Variants in KDM1B observed in about 807,000 individuals in gnomAD.
The protein encoded by KDM1B is lysine-specific histone demethylase 2.
In KDM1B, 63 loss-of-function variants were observed where a neutral mutation model predicts 107.4. That is an observed-to-expected ratio of 0.59 (90% CI 0.48 to 0.72). The LOEUF is 0.72. KDM1B is among the 30% of genes least tolerant of loss of function. The probability of loss-of-function intolerance (pLI) is 0.00; values close to 1 mark genes in which losing one functional copy is unlikely to be tolerated. For missense variants in KDM1B, 749 were observed against 1,020.8 expected (o/e 0.73, Z 3.63); for synonymous variants, 363 against 363.9 (o/e 1.00, Z 0.03).
At chr6:18,207,721 C>T (rs559177322) in intron 16 of KDM1B, among the ~76,000 whole-genome samples, 192 bp downstream of exon 16, 1 of 152,282 alleles carries the variant, frequency 6.6e-6, no homozygotes, top group African/African-American at 2.4e-5. Flanking sequence ...GCTTGGAAAC[C>T]GTAGTGGCCC....
At chr6:18,168,758 C>T (rs1785478134) in intron 6 of KDM1B, among the ~76,000 whole-genome samples, 1 of 152,144 alleles carries the variant, frequency 6.6e-6, no homozygotes, top group South Asian at 2.1e-4. Context: ...GAAGTGGTAT[C>T]TCATGGTGGT....
chr6:18,155,640 A>G lies in KDM1B; in HGVS notation c.-58+69A>G, dbSNP rs1784539851. On this transcript the variant is annotated intron_variant, in intron 1 of 21. Coordinates refer to ENST00000650836, the MANE Select transcript of KDM1B (RefSeq NM_001364614.2). The surrounding 1 kb of genome is among the most constrained non-coding windows in gnomAD (Gnocchi z 6.2). ...GGATTTCGGGTGACAGCGTTGCACAAAGCAGCTTGGTTGGGGTGCAAGCCC... is the reference window on the plus strand; with the variant it reads ...GGATTTCGGGTGACAGCGTTGCACAGAGCAGCTTGGTTGGGGTGCAAGCCC... 1 of 152,248 alleles carries G rather than the reference A, an allele frequency of 6.6e-6. No homozygotes were observed. Among genetic ancestry groups the G allele is most frequent in the South Asian group, 2.1e-4 (1 of 4,858 alleles). The allele number at this position is 152,248 out of a possible 1,614,324, so 9.4% of individuals were successfully genotyped here. A position where few individuals can be genotyped will look rare whatever the true frequency, so the allele number is the denominator to read the frequency against.
Position 18,221,990 on chromosome 6 carries a change from T to G in KDM1B, c.2467T>G (p.Ter823GluextTer41). The G allele has an allele frequency of 1.2e-6, 2 of 1,613,982 alleles. No homozygotes were observed. The highest frequency in any genetic ancestry group is 1.7e-6 in the Non-Finnish European group (2 of 1,179,866). Residue 823 changes from the stop codon to glutamate, a stop_lost, in exon 22 of 22, where the codon TAA (stop) becomes GAA (glutamate). Transcript: ENST00000650836. Reference protein sequence around the residue: ...VREASKIAAF* With the variant: ...VREASKIAAFE ...AGAAGCAAGCAAGATTGCAGCATTT[T>G]AAGAATTCGGTGGACCCAGCTTTCT...
At position 18,214,362 on chromosome 6, in the gene KDM1B, G is replaced by A. The variant is rs1005874531; in HGVS notation, c.2109+581G>A. 5.3e-5 allele frequency among the ~76,000 whole-genome samples: 8 copies of A among 152,174 alleles called. No individual in the cohort carries two copies. The highest frequency in any genetic ancestry group is 2.1e-4 in the South Asian group (1 of 4,832). ...CGAGGGCAGATTTTCTTTACCATTT[G>A]AGGTTTTTTTATTTTTCATTGTTTT... On this transcript the variant is annotated intron_variant, in intron 19 of 21. Transcript: ENST00000650836. The surrounding 1 kb of genome is among the most constrained non-coding windows in gnomAD (Gnocchi z 4.4).
chr6:18,162,966 C>G lies in KDM1B; in HGVS notation c.305+42C>G. The G allele has an allele frequency of 4.9e-6, 6 of 1,231,988 alleles. No individual in the cohort carries two copies. Among genetic ancestry groups the G allele is most frequent in the Non-Finnish European group, 7.2e-6 (6 of 831,296 alleles). The allele number at this position is 1,231,988 out of a possible 1,614,324, so 76.3% of individuals were successfully genotyped here. On this transcript the variant is annotated intron_variant, in intron 5 of 21. Coordinates refer to ENST00000650836, the MANE Select transcript of KDM1B (RefSeq NM_001364614.2). The surrounding 1 kb of genome is among the most constrained non-coding windows in gnomAD (Gnocchi z 4.1). Reference sequence around the variant, plus strand: ...TGTGAGGTTTCCCTGGAGAAGGGGACCGTGGCAGGGGCAGTGCGTGTGGTC... The same window carrying G: ...TGTGAGGTTTCCCTGGAGAAGGGGAGCGTGGCAGGGGCAGTGCGTGTGGTC...
At position 18,162,947 on chromosome 6, in the gene KDM1B, G is replaced by A. The variant is rs747033123; in HGVS notation, c.305+23G>A. On this transcript the variant is annotated intron_variant, in intron 5 of 21. Transcript: ENST00000650836. This position sits in a 1 kb window ranked among gnomAD's most constrained non-coding sequence, Gnocchi z 4.1. ...AAGGTATGTTCACTAATTGTGTGAGGTTTCCCTGGAGAAGGGGACCGTGGC... is the reference window on the plus strand; with the variant it reads ...AAGGTATGTTCACTAATTGTGTGAGATTTCCCTGGAGAAGGGGACCGTGGC... 1.4e-6 allele frequency: 2 copies of A among 1,479,454 alleles called. No homozygotes were observed. The highest frequency in any genetic ancestry group is 1.9e-6 in the Non-Finnish European group (2 of 1,057,340). The allele number at this position is 1,479,454 out of a possible 1,614,324, so 91.6% of individuals were successfully genotyped here. A position where few individuals can be genotyped will look rare whatever the true frequency, so the allele number is the denominator to read the frequency against.
chr6:18,171,978 G>T (rs1388336145), intron 7 of KDM1B, among the ~76,000 whole-genome samples: 1 of 152,124 alleles, frequency 6.6e-6, no homozygotes, highest in Non-Finnish European at 1.5e-5. Flanking sequence ...AGCTACTCTG[G>T]TTTTAATTTT....
At chr6:18,181,522 T>G (rs1226510872) in intron 7 of KDM1B, among the ~76,000 whole-genome samples, 2 of 152,124 alleles carry the variant, frequency 1.3e-5, no homozygotes, top group Admixed American at 6.5e-5. Context: ...TTCAGCCCTT[T>G]GGGAGGCTGA....
rs1261724938 is a variant in KDM1B at position 18,204,226 on chromosome 6, T to G, written c.1532-1311T>G. Among the ~76,000 whole-genome samples, 1 of 152,178 alleles carries G rather than the reference T, an allele frequency of 6.6e-6. No homozygotes were observed. Among genetic ancestry groups the G allele is most frequent in the Non-Finnish European group, 1.5e-5 (1 of 68,038 alleles). Reference sequence around the variant, plus strand: ...ACTCTGTTAAACTTGGGATTACACCTGTAATCCCAGCACTTCGGGAGGCTG... The same window carrying G: ...ACTCTGTTAAACTTGGGATTACACCGGTAATCCCAGCACTTCGGGAGGCTG... On this transcript the variant is annotated intron_variant, in intron 14 of 21. Transcript: ENST00000650836. This position sits in a 1 kb window ranked among gnomAD's most constrained non-coding sequence, Gnocchi z 4.9.
At chr6:18,180,086 G>T (rs1325899899) in intron 7 of KDM1B, among the ~76,000 whole-genome samples, 1 of 150,048 alleles carries the variant, frequency 6.7e-6, no homozygotes, top group Non-Finnish European at 1.5e-5. Context: ...CTTGCCCAGG[G>T]TGAGGCCCTT....
chr6:18,199,771 C>T (rs550038176), intron 12 of KDM1B, among the ~76,000 whole-genome samples: 2 of 150,514 alleles, frequency 1.3e-5, no homozygotes, highest in African/African-American at 4.9e-5. Context: ...AGGAATTTTG[C>T]TATGTAGATA....
chr6:18,194,072 CA>C (rs1787480425), intron 10 of KDM1B, among the ~76,000 whole-genome samples: 1 of 152,040 alleles, frequency 6.6e-6, no homozygotes, highest in Non-Finnish European at 1.5e-5. Context: ...GACAGGGTTT[CA>C]CCATGTTGGC....
chr6:18,160,895 G>A (rs1204065334), intron 3 of KDM1B, among the ~76,000 whole-genome samples: 3 of 137,634 alleles, frequency 2.2e-5, no homozygotes, highest in Non-Finnish European at 4.6e-5. Flanking sequence ...TGACACAATC[G>A]TGTGTGCCAC....
chr6:18,201,003 A>T lies in KDM1B; in HGVS notation c.1359+427A>T, dbSNP rs1166243437. 6.6e-6 allele frequency among the ~76,000 whole-genome samples: 1 copy of T among 152,252 alleles called. No homozygotes were observed. The highest frequency in any genetic ancestry group is 1.5e-5 in the Non-Finnish European group (1 of 68,042). On this transcript the variant is annotated intron_variant, in intron 13 of 21. Coordinates refer to ENST00000650836, the MANE Select transcript of KDM1B (RefSeq NM_001364614.2). This position sits in a 1 kb window ranked among gnomAD's most constrained non-coding sequence, Gnocchi z 4.3. Reference sequence around the variant, plus strand: ...AAAATTATGTATTACTAATCTGAACATCATATTTAAGGAGGCAGCCTGTCT... The same window carrying T: ...AAAATTATGTATTACTAATCTGAACTTCATATTTAAGGAGGCAGCCTGTCT...
intron 6 of KDM1B, among the ~76,000 whole-genome samples, chr6:18,166,859 A>G (rs1019228979): frequency 2.0e-5 from 3 of 151,974 alleles, no homozygotes; most frequent in African/African-American, 7.2e-5. Flanking sequence ...GTCTCAAAAA[A>G]AAAAAAATGG....
intron 2 of KDM1B, among the ~76,000 whole-genome samples, chr6:18,157,894 G>A (rs1784729447): frequency 7.2e-6 from 1 of 139,314 alleles, no homozygotes; most frequent in African/African-American, 2.7e-5. Flanking sequence ...CTCACTGCAA[G>A]CTCCGCCTGC....
chr6:18,214,585 C>T lies in KDM1B; in HGVS notation c.2110-422C>T, dbSNP rs1789081572. 6.6e-6 allele frequency among the ~76,000 whole-genome samples: 1 copy of T among 152,160 alleles called. No homozygotes were observed. Among genetic ancestry groups the T allele is most frequent in the African/African-American group, 2.4e-5 (1 of 41,430 alleles). ...TGGCGAGTGACGTGCGGATAAGGGA[C>T]AGCCAGAAATAGTGACATTTAACTT... On this transcript the variant is annotated intron_variant, in intron 19 of 21. Coordinates refer to ENST00000650836, the MANE Select transcript of KDM1B (RefSeq NM_001364614.2). The surrounding 1 kb of genome is among the most constrained non-coding windows in gnomAD (Gnocchi z 4.4).
rs148006516 is a variant in KDM1B at position 18,207,477 on chromosome 6, C to T, written c.1739C>T (p.Ser580Leu). ...GDHTLLTPGY[S>L]VIIEKLAEGL... ...CACACTCTGCTAACTCCCGGGTACT[C>T]GGTGATAATTGAAAAACTGGCAGAA... Residue 580 changes from serine to leucine, a missense_variant, in exon 16 of 22, where the codon TCG becomes TTG. Transcript: ENST00000650836. 57 of 1,614,168 alleles carry T rather than the reference C, an allele frequency of 3.5e-5. No individual in the cohort carries two copies. Among genetic ancestry groups the T allele is most frequent in the Non-Finnish European group, 4.3e-5 (51 of 1,179,998 alleles).
Position 18,212,015 on chromosome 6 carries a change from G to A in KDM1B, c.1867-473G>A, listed in dbSNP as rs1192690260. 6 of 156,076 alleles carry A rather than the reference G, an allele frequency of 3.8e-5. No homozygotes were observed. Among genetic ancestry groups the A allele is most frequent in the Non-Finnish European group, 2.8e-5 (2 of 72,118 alleles). The allele number at this position is 156,076 out of a possible 1,614,324, so 9.7% of individuals were successfully genotyped here. Reference sequence around the variant, plus strand: ...GGCTGGAGTGTAGTGGCGTGATCTCGGCTCACTGCAAACTCCGCCTTCCAG... The same window carrying A: ...GGCTGGAGTGTAGTGGCGTGATCTCAGCTCACTGCAAACTCCGCCTTCCAG... On this transcript the variant is annotated intron_variant, in intron 17 of 21. Coordinates refer to ENST00000650836, the MANE Select transcript of KDM1B (RefSeq NM_001364614.2). This position sits in a 1 kb window ranked among gnomAD's most constrained non-coding sequence, Gnocchi z 5.2.
Sources: allele counts gnomAD v4.1 joint callset (sites outside exome capture counted in the v4.1 genomes callset), GRCh38; gene constraint gnomAD v4.1.1; non-coding constraint Gnocchi (gnomAD v3.1); transcripts MANE v1.5; gene names NCBI Gene and HGNC (gene_info 2026-07-23, HGNC 2026-07-21).